The following ALK variants were observed in gnomAD, a reference collection of about 807,000 sequenced individuals.
ALK encodes ALK receptor tyrosine kinase, also known as ALK tyrosine kinase receptor.
A neutral mutation model predicts 163.1 loss-of-function variants in ALK; 74 were observed. That is an observed-to-expected ratio of 0.45 (90% CI 0.38 to 0.55). The LOEUF (loss-of-function observed/expected upper bound fraction) is 0.55. Among genes scored for constraint, ALK ranks in the 20% least tolerant of loss-of-function variants. ALK has a pLI of 0.00. For missense variants in ALK, 2,063 were observed against 2,105.3 expected, an observed-to-expected ratio of 0.98 and a Z score of 0.39; for synonymous variants, 960 against 843.2, an observed-to-expected ratio of 1.14 and a Z score of -2.40.
At chr2:29,861,074 C>T (rs191375740) in intron 1 of ALK, among the ~76,000 whole-genome samples, 15 of 152,086 alleles carry the variant, frequency 9.9e-5, no homozygotes, top group East Asian at 3.9e-4. Context: ...CAGGGGGCTG[C>T]GGTGGGATGA....
chr2:29,350,213 G>T (rs1214463236), intron 5 of ALK, among the ~76,000 whole-genome samples: 5 of 152,370 alleles, frequency 3.3e-5, no homozygotes, highest in African/African-American at 1.2e-4. Flanking sequence ...AGCATTCTAT[G>T]TGAGGTCTAT....
chr2:29,733,844 C>T (rs563358788), intron 1 of ALK, among the ~76,000 whole-genome samples: 39 of 152,040 alleles, frequency 2.6e-4, no homozygotes, highest in Non-Finnish European at 3.8e-4. Context: ...GTGCAGGCAG[C>T]GACAGGAGGG....
At chr2:29,696,314 C>T (rs1017233045) in intron 2 of ALK, among the ~76,000 whole-genome samples, 1 of 151,918 alleles carries the variant, frequency 6.6e-6, no homozygotes, top group Admixed American at 6.6e-5. Flanking sequence ...TGTTCTCACT[C>T]ATAAGTGGGA....
chr2:29,704,596 C>G (rs1055807517), intron 2 of ALK, among the ~76,000 whole-genome samples: 1 of 152,174 alleles, frequency 6.6e-6, no homozygotes, highest in Non-Finnish European at 1.5e-5. Flanking sequence ...TATATGGCTA[C>G]GTTTCAAATA....
chr2:29,474,312 T>A (rs1370781513), intron 4 of ALK, among the ~76,000 whole-genome samples: 1 of 152,166 alleles, frequency 6.6e-6, no homozygotes, highest in Non-Finnish European at 1.5e-5. Flanking sequence ...CAAATAGTAA[T>A]GATCTTTAAG....
intron 26 of ALK, among the ~76,000 whole-genome samples, chr2:29,205,112 T>G (rs867298417): frequency 1.9e-4 from 29 of 152,342 alleles, no homozygotes; most frequent in African/African-American, 6.5e-4. Context: ...AAGAGTATTG[T>G]TTAAAATAAC....
intron 4 of ALK, among the ~76,000 whole-genome samples, chr2:29,408,458 G>A (rs553135196): frequency 3.3e-5 from 5 of 152,180 alleles, no homozygotes; most frequent in South Asian, 2.1e-4. Context: ...TAACAAGCCC[G>A]ATGGAGCTCA....
chr2:29,404,576 G>A (rs772636687), intron 4 of ALK, among the ~76,000 whole-genome samples: 9 of 152,174 alleles, frequency 5.9e-5, no homozygotes, highest in Non-Finnish European at 1.3e-4. Context: ...CTGCAGAGTA[G>A]TATGAAATAA....
intron 8 of ALK, among the ~76,000 whole-genome samples, chr2:29,305,003 G>C (rs1037478151): frequency 1.3e-5 from 2 of 152,180 alleles, no homozygotes; most frequent in Non-Finnish European, 2.9e-5. Flanking sequence ...GGTAGGTCCT[G>C]GGCATCGGCA....
At chr2:29,451,151 G>A (rs531930755) in intron 4 of ALK, among the ~76,000 whole-genome samples, 1 of 152,288 alleles carries the variant, frequency 6.6e-6, no homozygotes, top group South Asian at 2.1e-4. Flanking sequence ...CAAGCAGCCT[G>A]TCTTCTTGTG....
At chr2:29,761,242 T>G (rs1054351037) in intron 1 of ALK, among the ~76,000 whole-genome samples, 1 of 152,130 alleles carries the variant, frequency 6.6e-6, no homozygotes, top group Admixed American at 6.5e-5. Context: ...ATTTATAAAT[T>G]TGGGACGTAG....
At chr2:29,611,019 G>A (rs1046922081) in intron 3 of ALK, among the ~76,000 whole-genome samples, 3 of 152,172 alleles carry the variant, frequency 2.0e-5, no homozygotes, top group Non-Finnish European at 4.4e-5. Context: ...TCCAAAAGTA[G>A]AACAGAAGTT....
At chr2:29,441,182 C>A (rs777954356) in intron 4 of ALK, among the ~76,000 whole-genome samples, 3 of 152,246 alleles carry the variant, frequency 2.0e-5, no homozygotes, top group Non-Finnish European at 4.4e-5. Flanking sequence ...TCAGAGCCAA[C>A]AAGAATACAG....
intron 4 of ALK, among the ~76,000 whole-genome samples, chr2:29,505,807 A>G (rs1290162291): frequency 5.5e-5 from 1 of 18,328 alleles, no homozygotes; most frequent in African/African-American, 8.3e-5. Flanking sequence ...ACACTAATTG[A>G]AAAAAAAAAA....
chr2:29,635,764 G>C (rs917143350), intron 3 of ALK, among the ~76,000 whole-genome samples: 3 of 134,434 alleles, frequency 2.2e-5, no homozygotes, highest in Non-Finnish European at 4.8e-5. Context: ...CACCATGCCT[G>C]GATAATTTTT....
chr2:29,245,325 G>A (rs1233752545), intron 12 of ALK, among the ~76,000 whole-genome samples: 1 of 142,212 alleles, frequency 7.0e-6, no homozygotes, highest in Non-Finnish European at 1.5e-5. Context: ...ACACAGTAGG[G>A]GCTCCATGGC....
intron 2 of ALK, among the ~76,000 whole-genome samples, chr2:29,713,451 G>A (rs200007024): frequency 6.6e-6 from 1 of 152,114 alleles, no homozygotes; most frequent in African/African-American, 2.4e-5. Flanking sequence ...GTTAGAAAGG[G>A]TTGAATTACT....
intron 5 of ALK, among the ~76,000 whole-genome samples, chr2:29,358,860 C>T (rs900886361): frequency 1.3e-4 from 20 of 152,236 alleles, no homozygotes; most frequent in African/African-American, 4.1e-4. Context: ...TACTACCTTA[C>T]CAGCTCTGTG....
At chr2:29,675,097 G>A (rs960653206) in intron 3 of ALK, among the ~76,000 whole-genome samples, 12 of 151,764 alleles carry the variant, frequency 7.9e-5, no homozygotes, top group Non-Finnish European at 5.9e-5. Context: ...AGTGCTTCCA[G>A]GACATTTTCT....
Sources: gnomAD v4.1 joint callset for allele counts (sites outside exome capture counted in the v4.1 genomes callset) on GRCh38, gnomAD v4.1.1 for gene constraint, MANE v1.5 for transcripts, NCBI Gene and HGNC (gene_info 2026-07-23, HGNC 2026-07-21) for gene names.